CPD: variants seen among roughly 807,000 people sequenced by gnomAD.
The protein encoded by CPD is carboxypeptidase D, also known as metallocarboxypeptidase D.
In CPD, 69 loss-of-function variants were observed where a neutral mutation model predicts 138.3. The ratio of observed to expected loss-of-function variants is 0.50; its 90% confidence interval spans 0.41 to 0.61. The LOEUF is 0.61. Among genes scored for constraint, CPD ranks in the 20% least tolerant of loss-of-function variants. CPD has a pLI of 0.00. For missense variants in CPD, 1,432 were observed against 1,733.3 expected (o/e 0.83, Z 3.09); for synonymous variants, 651 against 642.1 (o/e 1.01, Z -0.21).
intron 7 of CPD, 111 bp downstream of exon 7, chr17:30,427,669 A>G: frequency 1.1e-6 from 1 of 943,764 alleles, no homozygotes; most frequent in Non-Finnish European, 1.6e-6. Context: ...GTATCCTGTT[A>G]CTGCTCTTAT....
intron 2 of CPD, among the ~76,000 whole-genome samples, chr17:30,414,628 G>A (rs1019116264): frequency 2.4e-4 from 36 of 152,060 alleles, no homozygotes; most frequent in African/African-American, 8.7e-4. Flanking sequence ...CAGAGAAATG[G>A]CAGTGGCTTG....
chr17:30,457,595 C>T (rs546575706), intron 17 of CPD, among the ~76,000 whole-genome samples: 27 of 152,070 alleles, frequency 1.8e-4, no homozygotes, highest in South Asian at 4.2e-4. Flanking sequence ...CACCATTTTA[C>T]ATTCCTTACC....
At position 30,385,226 on chromosome 17, in the gene CPD, T is replaced by C. The variant is rs1342714320; in HGVS notation, c.984T>C (p.Tyr328=). 6.2e-7 allele frequency: 1 copy of C among 1,614,050 alleles called. No individual in the cohort carries two copies. The highest frequency in any genetic ancestry group is 1.1e-5 in the South Asian group (1 of 91,078). ...KDGITNGAHW[Y]DVEGGMQDYN... ...GAATCACAAACGGCGCACATTGGTA[T>C]GATGTGGAAGGTATGCAAAGCATTG... The change falls in exon 2 of 21, where the codon TAT becomes TAC. Residue 328 remains tyrosine, a synonymous_variant. Coordinates refer to ENST00000225719, the MANE Select transcript of CPD (RefSeq NM_001304.5).
intron 5 of CPD, 29 bp downstream of exon 5, chr17:30,423,052 C>T (rs772279318): frequency 2.0e-6 from 3 of 1,498,128 alleles, no homozygotes; most frequent in African/African-American, 1.4e-5. Context: ...CACATAATTT[C>T]AGTAGTGCCC....
rs149813748 is a variant in CPD at position 30,420,832 on chromosome 17, A to G, written c.995-9A>G. On this transcript the variant is annotated splice_polypyrimidine_tract_variant and intron_variant, in intron 2 of 20. Transcript: ENST00000225719. ...TTCTGAGAGTAAACTTATTTTTTCTATGTTACAGGTGGTATGCAAGATTAC... is the reference window on the plus strand; with the variant it reads ...TTCTGAGAGTAAACTTATTTTTTCTGTGTTACAGGTGGTATGCAAGATTAC... 1.0e-3 allele frequency: 1,645 copies of G among 1,601,808 alleles called. 11 individuals are homozygous for G. In the African/African-American group the frequency reaches 0.019, roughly 19 times the overall value.
At chr17:30,423,340 G>C (rs1912317950) in intron 5 of CPD, among the ~76,000 whole-genome samples, 166 bp from the exon 6 acceptor site, 1 of 152,022 alleles carries the variant, frequency 6.6e-6, no homozygotes, top group African/African-American at 2.4e-5. Context: ...GTATTAGTAA[G>C]GAAGCTGCTT....
chr17:30,406,997 A>C (rs1472712468), intron 2 of CPD, among the ~76,000 whole-genome samples: 2 of 151,926 alleles, frequency 1.3e-5, no homozygotes, highest in Non-Finnish European at 2.9e-5. Context: ...CTGGTGTATG[A>C]TGTTCCCTGC....
intron 1 of CPD, among the ~76,000 whole-genome samples, chr17:30,381,338 T>G (rs1911040210): frequency 6.6e-6 from 1 of 152,204 alleles, no homozygotes; most frequent in African/African-American, 2.4e-5. Flanking sequence ...GCTGTGATCC[T>G]TGCAGGGATG....
At chr17:30,439,140 C>A in intron 9 of CPD, 63 bp downstream of exon 9, 2 of 851,952 alleles carry the variant, frequency 2.3e-6, no homozygotes, top group Non-Finnish European at 1.9e-6. Context: ...CTAGATGGTG[C>A]TTCTTGTTAT....
In CPD at chr17:30,468,489, T is replaced by C. The variant is rs775068710; in HGVS notation, c.*3675T>C. 2 of 152,596 alleles carry C rather than the reference T, an allele frequency of 1.3e-5. No homozygotes were observed. The highest frequency in any genetic ancestry group is 2.9e-5 in the Non-Finnish European group (2 of 68,004). The allele number at this position is 152,596 out of a possible 1,614,324, so 9.5% of individuals were successfully genotyped here. ...GTGCCCAACACCCATTCATCTCAAG[T>C]GCTTCAGTCTTTGGTTTATTTCATG... On this transcript the variant is annotated 3_prime_UTR_variant, in exon 21 of 21. Transcript: ENST00000225719.
At position 30,466,101 on chromosome 17, in the gene CPD, C is replaced by G. The variant is rs542597224; in HGVS notation, c.*1287C>G. The G allele has an allele frequency of 2.0e-5, 3 of 152,530 alleles. No homozygotes were observed. Among genetic ancestry groups the G allele is most frequent in the Non-Finnish European group, 2.9e-5 (2 of 67,992 alleles). The allele number at this position is 152,530 out of a possible 1,614,324, so 9.4% of individuals were successfully genotyped here. A position where few individuals can be genotyped will look rare whatever the true frequency, so the allele number is the denominator to read the frequency against. ...TCTTCACTGCCAATCAGGCAAAGAC[C>G]GGAAAGATTTGCATTTTATTATGTC... On this transcript the variant is annotated 3_prime_UTR_variant, in exon 21 of 21. Transcript: ENST00000225719.
In CPD at chr17:30,445,825, A is replaced by T. The variant is rs748064435; in HGVS notation, c.2678A>T (p.Asp893Val). 12 of 1,614,130 alleles carry T rather than the reference A, an allele frequency of 7.4e-6. No individual in the cohort carries two copies. Among genetic ancestry groups the T allele is most frequent in the Non-Finnish European group, 9.3e-6 (11 of 1,180,004 alleles). Residue 893 changes from aspartate (D) to valine (V), a missense_variant, in exon 12 of 21, where the codon GAT (aspartate) becomes GTT (valine). This residue lies in a region of CPD where 124 missense variants were observed against 117.0 expected (regional missense o/e 1.06). Coordinates refer to ENST00000225719, the MANE Select transcript of CPD (RefSeq NM_001304.5). ...KGKGASSSTN[D>V]ASDPTTKEFE... ...AAAGGGGCTAGCAGCAGCACCAATG[A>T]TGCCAGTGATCCAACTACTAAAGAG... is the stretch of plus-strand genomic sequence containing the variant.
chr17:30,386,200 T>A (rs1433208239), intron 2 of CPD, among the ~76,000 whole-genome samples: 2 of 152,130 alleles, frequency 1.3e-5, no homozygotes, highest in Non-Finnish European at 2.9e-5. Flanking sequence ...AGCTAATTTT[T>A]AAATTTTTTG....
intron 2 of CPD, among the ~76,000 whole-genome samples, chr17:30,407,993 A>G (rs1424971617): frequency 1.3e-5 from 2 of 152,104 alleles, no homozygotes; most frequent in Non-Finnish European, 2.9e-5. Context: ...TAATTTTTGT[A>G]TGAGGTGTAA....
chr17:30,407,169 G>T (rs1369164477), intron 2 of CPD, among the ~76,000 whole-genome samples: 3 of 152,124 alleles, frequency 2.0e-5, no homozygotes, highest in Non-Finnish European at 2.9e-5. Context: ...TGGCTGCATT[G>T]TATTCCATGG....
At chr17:30,430,561 A>G (rs1241343062) in intron 7 of CPD, among the ~76,000 whole-genome samples, 1 of 152,174 alleles carries the variant, frequency 6.6e-6, no homozygotes, top group Non-Finnish European at 1.5e-5. Context: ...ACTGATGGAC[A>G]TTTGGGTTGT....
intron 2 of CPD, among the ~76,000 whole-genome samples, chr17:30,385,468 CTCTT>C (rs1013023848): frequency 1.3e-5 from 2 of 149,066 alleles, no homozygotes; most frequent in African/African-American, 4.9e-5. Flanking sequence ...CTCTCCCTCT[CTCTT>C]TTTCACTCTC....
chr17:30,412,470 G>T (rs1911992252), intron 2 of CPD, among the ~76,000 whole-genome samples: 1 of 152,138 alleles, frequency 6.6e-6, no homozygotes, highest in Non-Finnish European at 1.5e-5. Flanking sequence ...TTTCAGCTAT[G>T]CCCTGCCCAC....
chr17:30,423,132 A>G, intron 5 of CPD, 109 bp downstream of exon 5: 1 of 777,468 alleles, frequency 1.3e-6, no homozygotes, highest in Non-Finnish European at 2.0e-6. Context: ...AACTGGCATT[A>G]AGAAAACCTA....
Sources: gnomAD v4.1 joint callset for allele counts (sites outside exome capture counted in the v4.1 genomes callset) on GRCh38, gnomAD v4.1.1 for gene constraint, gnomAD v4.1.1 regional missense constraint, MANE v1.5 for transcripts, NCBI Gene and HGNC (gene_info 2026-07-23, HGNC 2026-07-21) for gene names.